The following YEATS4 variants were observed in gnomAD, a reference collection of about 807,000 sequenced individuals.
The protein encoded by YEATS4 is YEATS domain containing 4, also known as YEATS domain-containing protein 4.
In YEATS4, 17 loss-of-function variants were observed where a neutral mutation model predicts 30.1. The observed-to-expected ratio is 0.56, with a 90% CI of 0.39 to 0.85. The LOEUF (loss-of-function observed/expected upper bound fraction) is 0.85. Ranked by LOEUF, YEATS4 falls within the 40% of genes least tolerant of loss-of-function variation. YEATS4 has a pLI of 0.00. For missense variants in YEATS4, 142 were observed against 268.3 expected (o/e 0.53, Z 3.29); for synonymous variants, 85 against 87.5 (o/e 0.97, Z 0.16).
intron 6 of YEATS4, among the ~76,000 whole-genome samples, chr12:69,376,793 A>G (rs927848997): frequency 7.9e-5 from 12 of 152,114 alleles, no homozygotes; most frequent in Non-Finnish European, 1.6e-4. Context: ...TTCTTCTTCA[A>G]ATGTTTGGTA....
At chr12:69,378,422 C>G (rs1259944865) in intron 6 of YEATS4, among the ~76,000 whole-genome samples, 1 of 152,028 alleles carries the variant, frequency 6.6e-6, no homozygotes. Context: ...TTTTATTTTT[C>G]TGATTGTTTG....
intron 6 of YEATS4, among the ~76,000 whole-genome samples, chr12:69,375,915 A>C (rs970413191): frequency 4.0e-5 from 6 of 151,650 alleles, no homozygotes; most frequent in African/African-American, 1.2e-4. Flanking sequence ...GGAGGGGGAG[A>C]CTTCTTTCTT....
chr12:69,371,677 G>A (rs1056835866), intron 6 of YEATS4, among the ~76,000 whole-genome samples: 3 of 152,214 alleles, frequency 2.0e-5, no homozygotes, highest in South Asian at 4.1e-4. Context: ...GCTGAGGTTA[G>A]AGCAGTGCCT....
At chr12:69,420,439 G>A in the YEATS4 span, among the ~76,000 whole-genome samples, 2 of 152,114 alleles carry the variant, frequency 1.3e-5, no homozygotes, top group African/African-American at 4.8e-5. Context: ...ATGACAAGTT[G>A]TGTTTCAGAT....
chr12:69,359,894 C>T lies in YEATS4; in HGVS notation c.-79C>T. ...TCCGCCTGGGCCCGCGCGACAGGAG[C>T]GCGGTCTCTGAGGGGAGCGGCGACC... On this transcript the variant is annotated 5_prime_UTR_variant, in exon 1 of 7. Coordinates refer to ENST00000247843, the MANE Select transcript of YEATS4 (RefSeq NM_006530.4). 2 of 1,569,070 alleles carry T rather than the reference C, an allele frequency of 1.3e-6. No homozygotes were observed. Among genetic ancestry groups the T allele is most frequent in the Non-Finnish European group, 8.7e-7 (1 of 1,146,628 alleles).
chr12:69,390,315 A>G lies in YEATS4; in HGVS notation c.683A>G (p.Ter228=), dbSNP rs143499850. The change falls in exon 7 of 7, where the codon TAA becomes TGA. Residue 228 remains the stop codon, a stop_retained_variant. Transcript: ENST00000247843. ...LEEDDQAKDI[*] ...GAAGATGACCAAGCAAAAGACATAT[A>G]AACAGTTCTCATGAGAACTTGGTAG... 3 of 1,573,822 alleles carry G rather than the reference A, an allele frequency of 1.9e-6. No individual in the cohort carries two copies. Among genetic ancestry groups the G allele is most frequent in the South Asian group, 1.2e-5 (1 of 83,094 alleles).
At chr12:69,412,551 G>T in the YEATS4 span, among the ~76,000 whole-genome samples, 1 of 152,160 alleles carries the variant, frequency 6.6e-6, no homozygotes, top group African/African-American at 2.4e-5. Flanking sequence ...TACTCAGGAG[G>T]TTGAGGCAGG....
intron 6 of YEATS4, among the ~76,000 whole-genome samples, chr12:69,377,637 A>G (rs1385425459): frequency 1.3e-5 from 2 of 152,174 alleles, no homozygotes; most frequent in Non-Finnish European, 2.9e-5. Flanking sequence ...ATGTGTTTGT[A>G]TAGTTTCCAG....
At position 69,372,910 on chromosome 12, in the gene YEATS4, C is replaced by T. The variant is rs182802306; in HGVS notation, c.514+1935C>T. 5.9e-5 allele frequency among the ~76,000 whole-genome samples: 9 copies of T among 152,266 alleles called. No individual in the cohort carries two copies. The East Asian group carries it at 7.7e-4, about 13-fold the overall frequency. On this transcript the variant is annotated intron_variant, in intron 6 of 6. Coordinates refer to ENST00000247843, the MANE Select transcript of YEATS4 (RefSeq NM_006530.4). ...GTTTTATCTTTCTGTGCCTGGCTTA[C>T]TTCACTTAATATAATGACCTTAAGT...
the YEATS4 span, among the ~76,000 whole-genome samples, chr12:69,413,374 A>T: frequency 7.0e-6 from 1 of 143,280 alleles, no homozygotes; most frequent in African/African-American, 2.5e-5. Context: ...AAAAAAAAAA[A>T]CTACTAATTG....
chr12:69,408,083 G>T, the YEATS4 span, among the ~76,000 whole-genome samples: 1 of 152,150 alleles, frequency 6.6e-6, no homozygotes, highest in Non-Finnish European at 1.5e-5. Flanking sequence ...AACCACTGGG[G>T]TGGTGGGCTG....
chr12:69,391,762 C>T (rs1037516492), downstream of YEATS4, among the ~76,000 whole-genome samples: 2 of 152,098 alleles, frequency 1.3e-5, no homozygotes, highest in Non-Finnish European at 2.9e-5. Flanking sequence ...TCCCAAGTAT[C>T]GCATAGGGCC....
chr12:69,381,990 C>T (rs1348964565), intron 6 of YEATS4, among the ~76,000 whole-genome samples: 6 of 152,320 alleles, frequency 3.9e-5, no homozygotes, highest in South Asian at 4.1e-4. Flanking sequence ...CCTGATCTAA[C>T]GCCTCAGCTC....
chr12:69,369,611 G>A (rs1472260026), intron 4 of YEATS4, among the ~76,000 whole-genome samples: 5 of 152,140 alleles, frequency 3.3e-5, no homozygotes, highest in Non-Finnish European at 7.4e-5. Context: ...TAAGTTTTCA[G>A]GTTGTGGTTT....
intron 6 of YEATS4, among the ~76,000 whole-genome samples, chr12:69,383,707 G>A (rs946377860): frequency 6.6e-6 from 1 of 152,194 alleles, no homozygotes; most frequent in African/African-American, 2.4e-5. Context: ...GACTTTAACA[G>A]GAGCAGTGTA....
chr12:69,405,459 T>C, the YEATS4 span, among the ~76,000 whole-genome samples: 7 of 152,216 alleles, frequency 4.6e-5, no homozygotes, highest in African/African-American at 1.7e-4. Context: ...TTTTCTTTCC[T>C]TATTAAGTCA....
rs1198849494 is a variant in YEATS4 at position 69,362,981 on chromosome 12, A to AATTTTTTTTTTTTTTTTTTTTT, written c.171+74_171+75insATTTTTTTTTTTTTTTTTTTTT. ...TTTGTTTTGCTTAAAGACAACCTGT[A>AATTTTTTTTTTTTTTTTTTTTT]GTTTTTTTTTTTTTTTTTTTTTTTT... On this transcript the variant is annotated intron_variant, in intron 2 of 6. Coordinates refer to ENST00000247843, the MANE Select transcript of YEATS4 (RefSeq NM_006530.4). 40 of 307,590 alleles carry AATTTTTTTTTTTTTTTTTTTTT rather than the reference A, an allele frequency of 1.3e-4. 19 individuals are homozygous for AATTTTTTTTTTTTTTTTTTTTT. Among genetic ancestry groups the AATTTTTTTTTTTTTTTTTTTTT allele is most frequent in the African/African-American group, 2.9e-4 (8 of 27,712 alleles). 19.1% of individuals were successfully genotyped at this position (307,590 alleles called of 1,614,324 possible).
the YEATS4 span, among the ~76,000 whole-genome samples, chr12:69,406,509 T>A: frequency 6.6e-6 from 1 of 152,130 alleles, no homozygotes; most frequent in Non-Finnish European, 1.5e-5. Flanking sequence ...TAAATTTTTT[T>A]ATAGAGATAA....
the YEATS4 span, among the ~76,000 whole-genome samples, chr12:69,416,322 G>A: frequency 6.6e-6 from 1 of 152,154 alleles, no homozygotes; most frequent in Non-Finnish European, 1.5e-5. Context: ...GCAACAAAAA[G>A]AAGGAAAAGA....
Sources: gnomAD v4.1 joint callset for allele counts (sites outside exome capture counted in the v4.1 genomes callset) on GRCh38, gnomAD v4.1.1 for gene constraint, MANE v1.5 for transcripts, NCBI Gene and HGNC (gene_info 2026-07-23, HGNC 2026-07-21) for gene names.